The following CPSF7 variants were observed in gnomAD, a reference collection of about 807,000 sequenced individuals.
CPSF7 encodes the protein cleavage and polyadenylation specificity factor subunit 7.
CPSF7 carries 1 observed loss-of-function variant against 44.3 expected under a neutral mutation model. That is an observed-to-expected ratio of 0.02 (90% CI 0.01 to 0.11). The LOEUF is 0.11. Ranked by LOEUF, CPSF7 falls within the 10% of genes least tolerant of loss-of-function variation. The pLI is 1.00. For synonymous variants in CPSF7, 202 were observed against 222.0 expected (o/e 0.91, Z 0.80); for missense variants, 443 against 607.2 (o/e 0.73, Z 2.84).
intron 5 of CPSF7, among the ~76,000 whole-genome samples, chr11:61,418,368 T>C (rs539648380): frequency 6.6e-6 from 1 of 152,290 alleles, no homozygotes; most frequent in Admixed American, 6.5e-5. Flanking sequence ...GGCTGCACTT[T>C]ATGAGGTCAG....
chr11:61,416,058 A>C (rs192589216), intron 6 of CPSF7, 47 bp downstream of exon 6: 2 of 1,437,484 alleles, frequency 1.4e-6, no homozygotes, highest in African/African-American at 2.9e-5. Context: ...AATGCTTAAT[A>C]CACTTATTTA....
At chr11:61,415,935 T>A in intron 6 of CPSF7, 151 bp from the exon 7 acceptor site, 1 of 834,702 alleles carries the variant, frequency 1.2e-6, no homozygotes, top group Non-Finnish European at 1.9e-6. Context: ...TTAAGCACCT[T>A]AAAAAGGGGT....
chr11:61,416,657 C>CT (rs770238106), intron 5 of CPSF7, 138 bp from the exon 6 acceptor site: 70 of 847,988 alleles, frequency 8.3e-5, no homozygotes, highest in Middle Eastern at 3.6e-4. Context: ...CATCTACTGC[C>CT]TTTTTTTTGG....
intron 9 of CPSF7, among the ~76,000 whole-genome samples, chr11:61,409,478 C>A (rs1376133670): frequency 6.6e-6 from 1 of 151,730 alleles, no homozygotes; most frequent in Non-Finnish European, 1.5e-5. Context: ...CAAAACAAAA[C>A]AAAACAAAAA....
Position 61,417,967 on chromosome 11 carries a change from C to T in CPSF7, c.524-1448G>A, listed in dbSNP as rs115560882. ...CAAAAAAAAGTAACATGAAAAGTAG[C>T]TGAGTAGAAGTAGAACGTTACCCCC... On this transcript the variant is annotated intron_variant, in intron 5 of 9. Transcript: ENST00000439958. Among the ~76,000 whole-genome samples the T allele has an allele frequency of 3.2e-3, 485 of 152,286 alleles. 1 individual carries two copies. The highest frequency in any genetic ancestry group is 0.011 in the African/African-American group (462 of 41,546).
intron 9 of CPSF7, among the ~76,000 whole-genome samples, chr11:61,407,588 A>C (rs1245433835): frequency 6.6e-6 from 1 of 152,254 alleles, no homozygotes; most frequent in Non-Finnish European, 1.5e-5. Context: ...CCTGGAGCCC[A>C]CAGCCTAACT....
chr11:61,427,123 G>A (rs1861444786), intron 2 of CPSF7: 1 of 151,544 alleles, frequency 6.6e-6, no homozygotes, highest in Admixed American at 6.6e-5. Flanking sequence ...TCTGAACTGG[G>A]CAGAGTGGCT....
chr11:61,419,606 C>T (rs1357629491), intron 5 of CPSF7, among the ~76,000 whole-genome samples: 1 of 152,106 alleles, frequency 6.6e-6, no homozygotes, highest in African/African-American at 2.4e-5. Flanking sequence ...TAGACAGAAA[C>T]ACAGAATTTA....
chr11:61,407,658 G>C (rs556331004), intron 9 of CPSF7, among the ~76,000 whole-genome samples: 21 of 152,300 alleles, frequency 1.4e-4, no homozygotes, highest in Admixed American at 1.0e-3. Flanking sequence ...GGATTTTGTG[G>C]AATAAATGAG....
chr11:61,418,052 A>G (rs1467305230), intron 5 of CPSF7, among the ~76,000 whole-genome samples: 1 of 152,244 alleles, frequency 6.6e-6, no homozygotes, highest in Non-Finnish European at 1.5e-5. Flanking sequence ...GAAAGACTCC[A>G]AAACAGAGGG....
intron 7 of CPSF7, among the ~76,000 whole-genome samples, chr11:61,415,105 G>A (rs1466227770): frequency 2.0e-5 from 3 of 152,172 alleles, no homozygotes; most frequent in African/African-American, 7.2e-5. Context: ...GGGCGTGGTG[G>A]CAAGTGCCTG....
chr11:61,421,033 T>G (rs1234076312), intron 3 of CPSF7: 1 of 1,266,012 alleles, frequency 7.9e-7, no homozygotes, highest in Non-Finnish European at 1.0e-6. Context: ...GTTATCAAGG[T>G]CTTTAATCCC....
At position 61,404,621 on chromosome 11, in the gene CPSF7, G is replaced by C. The variant is rs2135219443; in HGVS notation, c.*89C>G. 1 of 152,300 alleles carries C rather than the reference G, an allele frequency of 6.6e-6. No individual in the cohort carries two copies. Among genetic ancestry groups the C allele is most frequent in the East Asian group, 1.9e-4 (1 of 5,182 alleles). 9.4% of individuals were successfully genotyped at this position (152,300 alleles called of 1,614,324 possible). A position where few individuals can be genotyped will look rare whatever the true frequency, so the allele number is the denominator to read the frequency against. Reference sequence around the variant, plus strand: ...TAGGGGTTTGGAGGAAAGGGAAGGGGGTGGGGCGGCCTCCGTCCTTTAGTC... The same window carrying C: ...TAGGGGTTTGGAGGAAAGGGAAGGGCGTGGGGCGGCCTCCGTCCTTTAGTC... On this transcript the variant is annotated 3_prime_UTR_variant, in exon 10 of 10. Coordinates refer to ENST00000439958, the MANE Select transcript of CPSF7 (RefSeq NM_001142565.3).
rs1272070461 is a variant in CPSF7 at position 61,415,790 on chromosome 11, C to T, written c.939-6G>A. 1 of 1,565,040 alleles carries T rather than the reference C, an allele frequency of 6.4e-7. No individual in the cohort carries two copies. Among genetic ancestry groups the T allele is most frequent in the Non-Finnish European group, 8.8e-7 (1 of 1,135,404 alleles). On this transcript the variant is annotated splice_region_variant and splice_polypyrimidine_tract_variant and intron_variant, in intron 6 of 9. Coordinates refer to ENST00000439958, the MANE Select transcript of CPSF7 (RefSeq NM_001142565.3). ...GTGGAGGGCCCGAATCTCGGCTGTA[C>T]AGAGAAAATACCATCCTTGATTGCT...
chr11:61,424,346 A>G (rs910284250), intron 2 of CPSF7, among the ~76,000 whole-genome samples: 20 of 152,220 alleles, frequency 1.3e-4, no homozygotes, highest in African/African-American at 4.6e-4. Flanking sequence ...CTATTCATGT[A>G]CCAGGTATGG....
At position 61,416,533 on chromosome 11, in the gene CPSF7, C is replaced by T. The variant is rs763600157; in HGVS notation, c.524-14G>A. On this transcript the variant is annotated splice_polypyrimidine_tract_variant and intron_variant, in intron 5 of 9. Coordinates refer to ENST00000439958, the MANE Select transcript of CPSF7 (RefSeq NM_001142565.3). ...GTGGAGGTATTCCTATGAAGCAAAA[C>T]AGAACTGATGTTACTGCCCAGGCTT... is the stretch of plus-strand genomic sequence containing the variant. 6.2e-7 allele frequency: 1 copy of T among 1,613,610 alleles called. No homozygotes were observed. Among genetic ancestry groups the T allele is most frequent in the Non-Finnish European group, 8.5e-7 (1 of 1,179,718 alleles).
intron 5 of CPSF7, among the ~76,000 whole-genome samples, chr11:61,418,556 C>A (rs1860550634): frequency 6.6e-6 from 1 of 152,140 alleles, no homozygotes; most frequent in African/African-American, 2.4e-5. Flanking sequence ...GACCAGAATA[C>A]TTGTGTCGGC....
intron 3 of CPSF7, chr11:61,420,949 C>G (rs1205917451): frequency 1.5e-6 from 1 of 647,622 alleles, no homozygotes; most frequent in Non-Finnish European, 2.5e-6. Context: ...GAAAAACCAC[C>G]CCCACCACCA....
In CPSF7 at chr11:61,416,112, G is replaced by C; in HGVS notation, c.931C>G (p.His311Asp). Residue 311 changes from histidine to aspartate, a missense_variant, in exon 6 of 10, where the codon CAT becomes GAT. By Grantham distance (81) the His-to-Asp change is moderately conservative. Coordinates refer to ENST00000439958, the MANE Select transcript of CPSF7 (RefSeq NM_001142565.3). ...YMKASAPYNH[H>D]GSRDSGPPPS... ...AGGAACAATAGTCCTTACCTGCCAT[G>C]GTGGTTATAGGGGGCAGAGGCCTTC... 1 of 1,499,912 alleles carries C rather than the reference G, an allele frequency of 6.7e-7. No individual in the cohort carries two copies. Among genetic ancestry groups the C allele is most frequent in the Non-Finnish European group, 8.9e-7 (1 of 1,126,090 alleles). 92.9% of individuals were successfully genotyped at this position (1,499,912 alleles called of 1,614,324 possible).
Sources: allele counts gnomAD v4.1 joint callset (sites outside exome capture counted in the v4.1 genomes callset), GRCh38; gene constraint gnomAD v4.1.1; transcripts MANE v1.5; gene names NCBI Gene and HGNC (gene_info 2026-07-23, HGNC 2026-07-21).